ST7: variants seen among roughly 807,000 people sequenced by gnomAD.
ST7 encodes suppressor of tumorigenicity 7 protein.
A neutral mutation model predicts 78.7 loss-of-function variants in ST7; 28 were observed. The observed-to-expected ratio is 0.36, with a 90% CI of 0.26 to 0.49. The LOEUF (loss-of-function observed/expected upper bound fraction) is 0.49. Among genes scored for constraint, ST7 ranks in the 20% least tolerant of loss-of-function variants. ST7 has a pLI of 0.99. For synonymous variants in ST7, 247 were observed against 249.6 expected, an observed-to-expected ratio of 0.99 and a Z score of 0.10; for missense variants, 418 against 696.0, an observed-to-expected ratio of 0.60 and a Z score of 4.49.
At chr7:117,088,147 C>G (rs776634513) in intron 1 of ST7, among the ~76,000 whole-genome samples, 1 of 152,212 alleles carries the variant, frequency 6.6e-6, no homozygotes, top group Non-Finnish European at 1.5e-5. Flanking sequence ...CAAAGCTTAT[C>G]CTTCTTTCCA....
chr7:117,025,958 C>T (rs1796163058), intron 1 of ST7, among the ~76,000 whole-genome samples: 2 of 151,796 alleles, frequency 1.3e-5, no homozygotes, highest in African/African-American at 4.8e-5. Context: ...TCTTATTTTC[C>T]CTTCAGTATT....
At chr7:116,982,610 A>G (rs1387132202) in intron 1 of ST7, among the ~76,000 whole-genome samples, 1 of 152,236 alleles carries the variant, frequency 6.6e-6, no homozygotes, top group Non-Finnish European at 1.5e-5. Flanking sequence ...AGCCCCTTCA[A>G]GCTAACTTCT....
At chr7:117,067,102 T>C (rs897690003) in intron 1 of ST7, among the ~76,000 whole-genome samples, 2 of 152,190 alleles carry the variant, frequency 1.3e-5, no homozygotes, top group African/African-American at 4.8e-5. Context: ...ACTATTATTT[T>C]ATTATATGGA....
chr7:117,204,088 C>T (rs565449666), intron 12 of ST7, among the ~76,000 whole-genome samples: 4 of 152,244 alleles, frequency 2.6e-5, no homozygotes, highest in South Asian at 2.1e-4. Flanking sequence ...CCATATCGGT[C>T]GGTTAATGAC....
chr7:117,156,451 G>A (rs760135942), intron 9 of ST7, among the ~76,000 whole-genome samples: 5 of 152,218 alleles, frequency 3.3e-5, no homozygotes, highest in Admixed American at 6.5e-5. Flanking sequence ...GTCATGTAGA[G>A]TTTCAGATAC....
At chr7:117,037,711 A>G (rs1360541703) in intron 1 of ST7, among the ~76,000 whole-genome samples, 1 of 152,192 alleles carries the variant, frequency 6.6e-6, no homozygotes, top group Non-Finnish European at 1.5e-5. Context: ...TTCCGATTAT[A>G]TGGCAAATAG....
At chr7:117,191,066 A>G in intron 12 of ST7, 130 bp downstream of exon 12, 1 of 723,030 alleles carries the variant, frequency 1.4e-6, no homozygotes, top group Non-Finnish European at 2.3e-6. Flanking sequence ...GAGACCCTGT[A>G]TAATGTATGG....
At position 117,229,911 on chromosome 7, in the gene ST7, G is replaced by A; in HGVS notation, c.*54G>A. 6.9e-7 allele frequency: 1 copy of A among 1,450,834 alleles called. No individual in the cohort carries two copies. Among genetic ancestry groups the A allele is most frequent in the Non-Finnish European group, 9.7e-7 (1 of 1,031,060 alleles). 89.9% of individuals were successfully genotyped at this position (1,450,834 alleles called of 1,614,324 possible). On this transcript the variant is annotated 3_prime_UTR_variant, in exon 16 of 16. Transcript: ENST00000323984. The stretch of plus-strand genomic sequence containing the variant: ...CCGCCGCTGCCACCATCTCCTCTGT[G>A]CCAACTCCTTGTGGACCGCAAGAAA...
At chr7:117,038,790 G>A (rs1208986931) in intron 1 of ST7, among the ~76,000 whole-genome samples, 2 of 152,074 alleles carry the variant, frequency 1.3e-5, no homozygotes, top group African/African-American at 2.4e-5. Context: ...TTTAGTGAAC[G>A]TTTCTAGCTG....
At chr7:117,119,775 ATTG>A (rs1803211783) in intron 3 of ST7, 55 bp downstream of exon 3, 1 of 1,553,782 alleles carries the variant, frequency 6.4e-7, no homozygotes, top group Non-Finnish European at 8.8e-7. Context: ...CTAAATTATT[ATTG>A]TTACTCATAC....
chr7:117,135,134 C>T (rs1051118297), intron 7 of ST7, among the ~76,000 whole-genome samples: 4 of 152,030 alleles, frequency 2.6e-5, no homozygotes, highest in Admixed American at 6.6e-5. Context: ...GCAGGACCTG[C>T]GTGGTCTGTT....
intron 8 of ST7, 104 bp from the exon 9 acceptor site, chr7:117,138,331 A>T: frequency 1.6e-6 from 1 of 612,522 alleles, no homozygotes; most frequent in Non-Finnish European, 2.8e-6. Flanking sequence ...TTCTACTATT[A>T]ACAAAGTTGT....
chr7:117,040,417 TACAC>T (rs143063486), intron 1 of ST7, among the ~76,000 whole-genome samples: 9 of 150,474 alleles, frequency 6.0e-5, no homozygotes, highest in Non-Finnish European at 7.4e-5. Context: ...TATACACACA[TACAC>T]ACACACACAC....
chr7:117,137,362 TA>T (rs1229345411), intron 8 of ST7: 1 of 152,132 alleles, frequency 6.6e-6, no homozygotes, highest in Non-Finnish European at 1.5e-5. Context: ...CACTTTTTAA[TA>T]AAAAAGTATT....
intron 1 of ST7, among the ~76,000 whole-genome samples, chr7:117,084,472 T>C (rs1026955475): frequency 2.0e-5 from 3 of 152,154 alleles, no homozygotes; most frequent in African/African-American, 7.2e-5. Context: ...ATCCTTCCAG[T>C]GTAAGAAGCC....
At chr7:116,987,692 T>A (rs1022854885) in intron 1 of ST7, among the ~76,000 whole-genome samples, 4 of 152,222 alleles carry the variant, frequency 2.6e-5, no homozygotes, top group African/African-American at 9.6e-5. Flanking sequence ...CATCAGTCTC[T>A]CTTTGGTACC....
At chr7:117,034,319 T>C (rs1035270850) in intron 1 of ST7, among the ~76,000 whole-genome samples, 35 of 152,300 alleles carry the variant, frequency 2.3e-4, no homozygotes, top group Admixed American at 3.9e-4. Flanking sequence ...TTAGGTATTA[T>C]TATATTAGTC....
At chr7:117,073,983 C>T (rs1309189348) in intron 1 of ST7, 1 of 152,030 alleles carries the variant, frequency 6.6e-6, no homozygotes, top group Non-Finnish European at 1.5e-5. Flanking sequence ...GATTTTTGAC[C>T]TCAATCCTTT....
intron 15 of ST7, among the ~76,000 whole-genome samples, chr7:117,226,885 T>C (rs1307967994): frequency 6.6e-6 from 1 of 152,116 alleles, no homozygotes; most frequent in Non-Finnish European, 1.5e-5. Flanking sequence ...ATTCTATACG[T>C]TGGAAGCATT....
Sources: allele counts gnomAD v4.1 joint callset (sites outside exome capture counted in the v4.1 genomes callset), GRCh38; gene constraint gnomAD v4.1.1; transcripts MANE v1.5; gene names NCBI Gene and HGNC (gene_info 2026-07-23, HGNC 2026-07-21).